Variants in EYS observed in about 807,000 individuals in gnomAD.
The protein encoded by EYS is protein eyes shut homolog.
Under a neutral mutation model 282.1 loss-of-function variants are expected in EYS, and 250 were observed. The ratio of observed to expected loss-of-function variants is 0.89; its 90% CI spans 0.80 to 0.98. The LOEUF (loss-of-function observed/expected upper bound fraction) is 0.98, where lower values mean the gene tolerates loss of function less well. EYS is among the 50% of genes least tolerant of loss of function. The pLI is 0.00. For synonymous variants in EYS, 1,355 were observed against 1,282.9 expected (o/e 1.06, Z -1.20); for missense variants, 4,016 against 3,709.0 (o/e 1.08, Z -2.15).
At chr6:64,784,315 A>G (rs1054801551) in intron 22 of EYS, among the ~76,000 whole-genome samples, 3 of 152,038 alleles carry the variant, frequency 2.0e-5, no homozygotes, top group African/African-American at 7.2e-5. Flanking sequence ...TAGCAGTTGT[A>G]TATACTTTAT....
chr6:64,195,967 T>C (rs1765274494), intron 31 of EYS, among the ~76,000 whole-genome samples: 1 of 151,982 alleles, frequency 6.6e-6, no homozygotes, highest in Non-Finnish European at 1.5e-5. Context: ...CCCTACAAAA[T>C]GGGAGAAAAT....
At chr6:65,258,598 T>C (rs1767535267) in intron 12 of EYS, among the ~76,000 whole-genome samples, 1 of 152,020 alleles carries the variant, frequency 6.6e-6, no homozygotes, top group East Asian at 1.9e-4. Context: ...GTTAGGAAAA[T>C]GTCTTTCTTG....
intron 12 of EYS, among the ~76,000 whole-genome samples, chr6:65,245,202 T>C (rs1277491403): frequency 6.6e-6 from 1 of 152,140 alleles, no homozygotes; most frequent in Non-Finnish European, 1.5e-5. Flanking sequence ...CAGAGCATGC[T>C]CACAAACCAA....
intron 36 of EYS, among the ~76,000 whole-genome samples, chr6:63,860,228 T>C (rs1193259720): frequency 6.6e-6 from 1 of 152,208 alleles, no homozygotes; most frequent in Non-Finnish European, 1.5e-5. Context: ...TGATGCCTGT[T>C]GATGTAAAAA....
chr6:64,335,249 A>ACCCCCCCCCCCCC (rs1770800689), intron 29 of EYS, among the ~76,000 whole-genome samples: 1 of 121,358 alleles, frequency 8.2e-6, no homozygotes, highest in Non-Finnish European at 1.7e-5. Flanking sequence ...GACTCCCCCC[A>ACCCCCCCCCCCCC]CCCCCCCTCC....
chr6:63,872,540 G>A (rs1303263075), intron 35 of EYS, among the ~76,000 whole-genome samples: 1 of 141,316 alleles, frequency 7.1e-6, no homozygotes, highest in African/African-American at 2.7e-5. Context: ...GTGCAGTGGT[G>A]TGAATTCGGT....
chr6:65,350,048 A>G (rs930877604), intron 9 of EYS, among the ~76,000 whole-genome samples: 1 of 151,444 alleles, frequency 6.6e-6, no homozygotes, highest in Non-Finnish European at 1.5e-5. Flanking sequence ...TAATTAAGAG[A>G]ATTCTCTTTC....
intron 1 of EYS, among the ~76,000 whole-genome samples, chr6:65,688,701 C>A (rs1240427136): frequency 1.4e-4 from 21 of 152,108 alleles, no homozygotes; most frequent in Admixed American, 3.9e-4. Flanking sequence ...ACCCCATCAA[C>A]AAGTGGGCAA....
At chr6:65,483,982 G>GAAT (rs1264800049) in intron 5 of EYS, among the ~76,000 whole-genome samples, 1 of 151,946 alleles carries the variant, frequency 6.6e-6, no homozygotes, top group Non-Finnish European at 1.5e-5. Context: ...CTTCCTACCG[G>GAAT]CTCCCTCCCA....
intron 41 of EYS, among the ~76,000 whole-genome samples, chr6:63,754,456 C>A (rs995161874): frequency 3.3e-5 from 5 of 151,948 alleles, no homozygotes; most frequent in Admixed American, 2.6e-4. Context: ...GGTTTTCTGT[C>A]CTTGTGATAT....
intron 29 of EYS, among the ~76,000 whole-genome samples, chr6:64,346,094 A>C (rs563178941): frequency 5.5e-4 from 84 of 152,056 alleles, no homozygotes; most frequent in Non-Finnish European, 9.6e-4. Context: ...ACACTTGTAC[A>C]CTGTTGGTGG....
At chr6:64,440,932 T>C (rs1393906216) in intron 26 of EYS, among the ~76,000 whole-genome samples, 1 of 152,094 alleles carries the variant, frequency 6.6e-6, no homozygotes, top group Admixed American at 6.6e-5. Flanking sequence ...TATATTTGAG[T>C]TACTAAGAAG....
chr6:63,780,853 A>G (rs548577630), intron 39 of EYS, among the ~76,000 whole-genome samples: 79 of 152,030 alleles, frequency 5.2e-4, no homozygotes, highest in African/African-American at 1.7e-3. Context: ...TATTGCCTAG[A>G]TTTTCTTCTA....
chr6:64,315,528 G>A (rs1769921365), intron 29 of EYS, among the ~76,000 whole-genome samples: 2 of 151,184 alleles, frequency 1.3e-5, no homozygotes, highest in East Asian at 1.9e-4. Context: ...ATAAAATGCT[G>A]GCAAACCGAA....
At chr6:63,842,047 G>T (rs940724938) in intron 36 of EYS, among the ~76,000 whole-genome samples, 7 of 152,144 alleles carry the variant, frequency 4.6e-5, no homozygotes, top group Admixed American at 1.3e-4. Flanking sequence ...TTGCTATTGT[G>T]AATAGTGCTG....
chr6:64,644,103 G>T (rs1241998687), intron 22 of EYS, among the ~76,000 whole-genome samples: 2 of 152,138 alleles, frequency 1.3e-5, no homozygotes, highest in Non-Finnish European at 2.9e-5. Flanking sequence ...TGTAGCCTAA[G>T]ATACAGTGAA....
intron 31 of EYS, among the ~76,000 whole-genome samples, chr6:64,162,497 C>T (rs1003673352): frequency 6.6e-6 from 1 of 152,048 alleles, no homozygotes; most frequent in African/African-American, 2.4e-5. Context: ...GTCCCTTAGA[C>T]AGAAGGAATC....
At chr6:65,417,600 A>T (rs1413089381) in intron 5 of EYS, among the ~76,000 whole-genome samples, 2 of 151,958 alleles carry the variant, frequency 1.3e-5, no homozygotes, top group Admixed American at 1.3e-4. Flanking sequence ...GGATTATTCA[A>T]CTCTGCTCTT....
At chr6:65,357,314 G>GT (rs1298637997) in intron 8 of EYS, among the ~76,000 whole-genome samples, 1 of 151,876 alleles carries the variant, frequency 6.6e-6, no homozygotes, top group Admixed American at 6.6e-5. Flanking sequence ...GTCTTAAAGT[G>GT]TTTTTTGGCT....
Sources: gnomAD v4.1 joint callset for allele counts (sites outside exome capture counted in the v4.1 genomes callset) on GRCh38, gnomAD v4.1.1 for gene constraint, MANE v1.5 for transcripts, NCBI Gene and HGNC (gene_info 2026-07-23, HGNC 2026-07-21) for gene names.